Variants in SLC39A8 observed in about 807,000 individuals in gnomAD.
The protein encoded by SLC39A8 is solute carrier family 39 member 8.
Under a neutral mutation model 40.4 loss-of-function variants are expected in SLC39A8, and 15 were observed. The observed-to-expected ratio is 0.37, with a 90% CI of 0.25 to 0.57. The LOEUF is 0.57. Ranked by LOEUF, SLC39A8 falls within the 20% of genes least tolerant of loss-of-function variation. The probability of loss-of-function intolerance (pLI) is 0.75; values close to 1 mark genes in which losing one functional copy is unlikely to be tolerated. For missense variants in SLC39A8, 472 were observed against 558.8 expected (o/e 0.84, Z 1.57); for synonymous variants, 223 against 221.6 (o/e 1.01, Z -0.06).
At chr4:102,333,556 A>G (rs1735555049) in intron 2 of SLC39A8, among the ~76,000 whole-genome samples, 1 of 152,238 alleles carries the variant, frequency 6.6e-6, no homozygotes. Context: ...AGTAATACCT[A>G]TCACTAAGAT....
At chr4:102,317,774 C>T (rs1260639721) in intron 2 of SLC39A8, among the ~76,000 whole-genome samples, 6 of 152,234 alleles carry the variant, frequency 3.9e-5, no homozygotes, top group Middle Eastern at 3.4e-3. Context: ...AGGAGGAAAA[C>T]GGGAAGATGC....
At chr4:102,288,097 C>A (rs1733261334) in intron 6 of SLC39A8, among the ~76,000 whole-genome samples, 1 of 152,096 alleles carries the variant, frequency 6.6e-6, no homozygotes, top group South Asian at 2.1e-4. Flanking sequence ...GTGATTTTTA[C>A]AAATTGAAGG....
intron 6 of SLC39A8, among the ~76,000 whole-genome samples, chr4:102,271,839 T>C (rs556388253): frequency 6.6e-6 from 1 of 152,270 alleles, no homozygotes; most frequent in South Asian, 2.1e-4. Context: ...TCAATACATA[T>C]AATTCATGGA....
chr4:102,339,401 C>G (rs1017848814), intron 2 of SLC39A8, among the ~76,000 whole-genome samples: 2 of 152,074 alleles, frequency 1.3e-5, no homozygotes, highest in African/African-American at 2.4e-5. Context: ...TCATCTAACC[C>G]ATCATTACCC....
intron 2 of SLC39A8, among the ~76,000 whole-genome samples, chr4:102,332,491 G>A (rs939959306): frequency 5.3e-5 from 8 of 152,210 alleles, no homozygotes; most frequent in African/African-American, 1.2e-4. Flanking sequence ...TTAGAATGGC[G>A]ATCAGTAAAA....
At chr4:102,260,706 T>A (rs1337458266), downstream of SLC39A8, among the ~76,000 whole-genome samples, 1 of 152,228 alleles carries the variant, frequency 6.6e-6, no homozygotes, top group Non-Finnish European at 1.5e-5. Context: ...ATAATCCTGT[T>A]ACTATACACC....
chr4:102,330,962 T>C (rs939164908), intron 2 of SLC39A8, among the ~76,000 whole-genome samples: 1 of 152,192 alleles, frequency 6.6e-6, no homozygotes, highest in Non-Finnish European at 1.5e-5. Context: ...AGGCTTTTGA[T>C]AAGATTCAAC....
intron 6 of SLC39A8, among the ~76,000 whole-genome samples, chr4:102,295,266 T>A (rs1578584666): frequency 6.6e-6 from 1 of 151,240 alleles, no homozygotes; most frequent in Admixed American, 6.6e-5. Flanking sequence ...CAAAACTTCA[T>A]AACATTGGAA....
At chr4:102,277,917 A>T (rs996991728) in intron 6 of SLC39A8, among the ~76,000 whole-genome samples, 1 of 152,254 alleles carries the variant, frequency 6.6e-6, no homozygotes, top group Non-Finnish European at 1.5e-5. Context: ...TGGTTTTGGG[A>T]AAACTGGCTA....
At chr4:102,329,221 G>A (rs1307904194) in intron 2 of SLC39A8, among the ~76,000 whole-genome samples, 1 of 152,066 alleles carries the variant, frequency 6.6e-6, no homozygotes, top group Non-Finnish European at 1.5e-5. Context: ...AAATATGGGA[G>A]TGGGGGCAGA....
chr4:102,280,466 A>G (rs1458889933), intron 6 of SLC39A8, among the ~76,000 whole-genome samples: 1 of 152,240 alleles, frequency 6.6e-6, no homozygotes. Context: ...AAAGGATTAC[A>G]TAGACATGAA....
chr4:102,286,810 C>T (rs1162331963), intron 6 of SLC39A8, among the ~76,000 whole-genome samples: 3 of 152,128 alleles, frequency 2.0e-5, no homozygotes, highest in Non-Finnish European at 4.4e-5. Context: ...TTTCACTATG[C>T]GGGCAATCCT....
chr4:102,307,982 A>T (rs1214013474), intron 3 of SLC39A8, among the ~76,000 whole-genome samples: 1 of 152,028 alleles, frequency 6.6e-6, no homozygotes, highest in African/African-American at 2.4e-5. Context: ...TTTTGAAAAA[A>T]AAGAAAAAAC....
At chr4:102,319,039 G>A (rs776129843) in intron 2 of SLC39A8, among the ~76,000 whole-genome samples, 5 of 152,194 alleles carry the variant, frequency 3.3e-5, no homozygotes, top group African/African-American at 7.2e-5. Flanking sequence ...AATGGGCCTT[G>A]TATGTGTGAA....
chr4:102,257,644 A>G (rs938280140), downstream of SLC39A8, among the ~76,000 whole-genome samples: 1 of 152,228 alleles, frequency 6.6e-6, no homozygotes, highest in South Asian at 2.1e-4. Context: ...AGCAGGATAC[A>G]GAAGGGTGGA....
At chr4:102,335,245 G>A (rs1735617620) in intron 2 of SLC39A8, among the ~76,000 whole-genome samples, 1 of 152,162 alleles carries the variant, frequency 6.6e-6, no homozygotes, top group Admixed American at 6.5e-5. Flanking sequence ...GGGACTGCAT[G>A]TTTTATAGAA....
At chr4:102,320,211 A>G (rs1195802104) in intron 2 of SLC39A8, among the ~76,000 whole-genome samples, 30 of 130,866 alleles carry the variant, frequency 2.3e-4, no homozygotes, top group African/African-American at 8.1e-4. Flanking sequence ...ATGTATATAT[A>G]TATGTATATA....
At chr4:102,287,984 C>A (rs1253955014) in intron 6 of SLC39A8, among the ~76,000 whole-genome samples, 1 of 152,094 alleles carries the variant, frequency 6.6e-6, no homozygotes, top group East Asian at 1.9e-4. Flanking sequence ...CAGCATCACA[C>A]CACCAACTAC....
intron 2 of SLC39A8, among the ~76,000 whole-genome samples, chr4:102,319,853 G>C (rs1734828642): frequency 1.3e-5 from 2 of 151,966 alleles, no homozygotes. Context: ...ATTTGAATCG[G>C]TGGACTCCGT....
Sources: allele counts gnomAD v4.1 joint callset (sites outside exome capture counted in the v4.1 genomes callset), GRCh38; gene constraint gnomAD v4.1.1; transcripts MANE v1.5; gene names NCBI Gene and HGNC (gene_info 2026-07-23, HGNC 2026-07-21).